The following ZBTB24 variants were observed in gnomAD, a reference collection of about 807,000 sequenced individuals.
ZBTB24 encodes zinc finger and BTB domain containing 24.
ZBTB24 carries 32 observed loss-of-function variants against 53.8 expected under a neutral mutation model. That is an observed-to-expected ratio of 0.60 (90% CI 0.45 to 0.80). The LOEUF (loss-of-function observed/expected upper bound fraction) is 0.80. ZBTB24 is among the 30% of genes least tolerant of loss of function. The pLI is 0.00. For synonymous variants in ZBTB24, 297 were observed against 306.7 expected (o/e 0.97, Z 0.33); for missense variants, 722 against 837.1 (o/e 0.86, Z 1.70).
At chr6:109,482,135 C>T in intron 1 of ZBTB24, 81 bp from the exon 2 acceptor site, 2 of 981,316 alleles carry the variant, frequency 2.0e-6, no homozygotes, top group Non-Finnish European at 3.2e-6. Flanking sequence ...TTCCTATTCA[C>T]TTCACATCAT....
chr6:109,476,680 G>GA, intron 3 of ZBTB24, 83 bp downstream of exon 3: 1 of 1,534,226 alleles, frequency 6.5e-7, no homozygotes, highest in Admixed American at 1.9e-5. Flanking sequence ...ACTAGGCTGA[G>GA]AAAACACCAT....
At position 109,467,496 on chromosome 6, in the gene ZBTB24, AAAAC is replaced by A. The variant is rs553805854; in HGVS notation, c.1370+153_1370+156del. 4,712 of 983,604 alleles carry A rather than the reference AAAAC, an allele frequency of 4.8e-3. 14 individuals carry two copies. Among genetic ancestry groups the A allele is most frequent in the Middle Eastern group, 0.011 (21 of 1,906 alleles). The allele number at this position is 983,604 out of a possible 1,614,324, so 60.9% of individuals were successfully genotyped here. On this transcript the variant is annotated intron_variant, in intron 6 of 6. Coordinates refer to ENST00000230122, the MANE Select transcript of ZBTB24 (RefSeq NM_014797.3). ...CTGGGCGACAGTGAGACCCTGTCTC[AAAAC>A]AAACAAACAAAACAAAGCCAAAGTA...
rs2115349640 is a variant in ZBTB24 at position 109,462,674 on chromosome 6, G to C, written c.*3177C>G. ...AACCAACTGTAGAAAATACAGAGTA[G>C]AGGTGAGTTTCAAGAAGCACTGGGC... On this transcript the variant is annotated 3_prime_UTR_variant, in exon 7 of 7. Coordinates refer to ENST00000230122, the MANE Select transcript of ZBTB24 (RefSeq NM_014797.3). The C allele has an allele frequency of 6.6e-6, 1 of 152,304 alleles. No individual in the cohort carries two copies. Among genetic ancestry groups the C allele is most frequent in the East Asian group, 1.9e-4 (1 of 5,190 alleles). The allele number at this position is 152,304 out of a possible 1,614,324, so 9.4% of individuals were successfully genotyped here.
At position 109,466,366 on chromosome 6, in the gene ZBTB24, T is replaced by G. The variant is rs1776041822; in HGVS notation, c.1579A>C (p.Ser527Arg). The G allele has an allele frequency of 6.2e-7, 1 of 1,614,124 alleles. No individual in the cohort carries two copies. Among genetic ancestry groups the G allele is most frequent in the African/African-American group, 1.3e-5 (1 of 74,948 alleles). The change falls in exon 7 of 7, where the codon AGT becomes CGT. Residue 527 changes from serine to arginine, a missense_variant. Coordinates refer to ENST00000230122, the MANE Select transcript of ZBTB24 (RefSeq NM_014797.3). ...HASDASSISG[S>R]SNTEEVRNIL... ...TTCCTGACCTCTTCTGTATTACTAC[T>G]GCCAGAAATGCTGCTGGCATCTGAA...
At position 109,481,382 on chromosome 6, in the gene ZBTB24, T is replaced by C. The variant is rs1374400614; in HGVS notation, c.645A>G (p.Glu215=). 1.9e-6 allele frequency: 3 copies of C among 1,614,104 alleles called. No homozygotes were observed. The highest frequency in any genetic ancestry group is 1.3e-5 in the African/African-American group (1 of 74,926). ...GVLNEQIAAK[E]KEESEPTCEP... The stretch of plus-strand genomic sequence containing the variant: ...CACAAGTAGGCTCCGATTCTTCCTT[T>C]TCTTTTGCTGCAATTTGCTCATTCA... The change falls in exon 2 of 7, where the codon GAA becomes GAG. Residue 215 remains glutamate, a synonymous_variant. Coordinates refer to ENST00000230122, the MANE Select transcript of ZBTB24 (RefSeq NM_014797.3).
At chr6:109,466,630 T>A in intron 6 of ZBTB24, 56 bp from the exon 7 acceptor site, 2 of 1,593,622 alleles carry the variant, frequency 1.3e-6, no homozygotes, top group East Asian at 2.2e-5. Flanking sequence ...TACTACTTCC[T>A]GATTATTTAG....
chr6:109,465,988 CTT>C lies in ZBTB24; in HGVS notation c.1955_1956del (p.Gln652ArgfsTer52). The C allele has an allele frequency of 2.5e-6, 4 of 1,614,214 alleles. No homozygotes were observed. The highest frequency in any genetic ancestry group is 2.5e-6 in the Non-Finnish European group (3 of 1,180,046). On this transcript the variant is annotated frameshift_variant, in exon 7 of 7. Transcript: ENST00000230122. LOFTEE classifies it low-confidence loss of function (END_TRUNC). Reference protein sequence around the residue: ...KETLEHLHAHQEQTEELHLAT... With the variant: ...KETLEHLHAHXEQTEELHLAT... ...GCTAAATGGAGCTCCTCTGTTTGCT[CTT>C]GATGGGCATGAAGATGTTCCAGTGT...
At position 109,463,606 on chromosome 6, in the gene ZBTB24, T is replaced by G. The variant is rs866758220; in HGVS notation, c.*2245A>C. ...AAACTTTTGTCTTAGCTACTTGATA[T>G]GAGAATCTGTTTTCAACTGTAAGTT... On this transcript the variant is annotated 3_prime_UTR_variant, in exon 7 of 7. Coordinates refer to ENST00000230122, the MANE Select transcript of ZBTB24 (RefSeq NM_014797.3). 6.6e-6 allele frequency: 1 copy of G among 152,188 alleles called. No homozygotes were observed. The highest frequency in any genetic ancestry group is 6.5e-5 in the Admixed American group (1 of 15,280). 9.4% of individuals were successfully genotyped at this position (152,188 alleles called of 1,614,324 possible). A position where few individuals can be genotyped will look rare whatever the true frequency, so the allele number is the denominator to read the frequency against.
rs781490833 is a variant in ZBTB24 at position 109,466,080 on chromosome 6, A to C, written c.1865T>G (p.Met622Arg). 6.2e-7 allele frequency: 1 copy of C among 1,614,210 alleles called. No homozygotes were observed. The highest frequency in any genetic ancestry group is 8.5e-7 in the Non-Finnish European group (1 of 1,180,038). ...TGAGGGCCCCATCTGGCTTTCAATC[A>C]TATTGAGGCTCTGAATGTGTTCTGT... ...EQTEHIQSLN[M>R]IESQMGPSQT... The change falls in exon 7 of 7, where the codon ATG becomes AGG. Residue 622 changes from methionine to arginine, a missense_variant. Met to Arg is a moderately conservative substitution (Grantham distance 91). Coordinates refer to ENST00000230122, the MANE Select transcript of ZBTB24 (RefSeq NM_014797.3).
intron 5 of ZBTB24, 47 bp from the exon 6 acceptor site, chr6:109,467,781 T>G (rs371953622): frequency 3.8e-6 from 6 of 1,590,878 alleles, no homozygotes; most frequent in Non-Finnish European, 5.1e-6. Context: ...CAAAAAAACA[T>G]TTAACAATAT....
chr6:109,480,313 G>C (rs920696905), intron 2 of ZBTB24, among the ~76,000 whole-genome samples: 1 of 152,220 alleles, frequency 6.6e-6, no homozygotes, highest in Non-Finnish European at 1.5e-5. Flanking sequence ...GGGCTCAAAG[G>C]AGGAAGGGAT....
At chr6:109,476,599 G>C (rs542499792) in intron 3 of ZBTB24, among the ~76,000 whole-genome samples, 164 bp downstream of exon 3, 5 of 152,230 alleles carry the variant, frequency 3.3e-5, no homozygotes, top group African/African-American at 1.2e-4. Context: ...TTAATGATCC[G>C]TGCAGAACTC....
chr6:109,482,444 C>T (rs1469687025), intron 1 of ZBTB24, among the ~76,000 whole-genome samples: 1 of 151,302 alleles, frequency 6.6e-6, no homozygotes, highest in African/African-American at 2.4e-5. Flanking sequence ...CCAGCCTGGG[C>T]GACAGAACGA....
At chr6:109,480,140 T>A (rs1030697736) in intron 2 of ZBTB24, among the ~76,000 whole-genome samples, 1 of 152,046 alleles carries the variant, frequency 6.6e-6, no homozygotes, top group African/African-American at 2.4e-5. Context: ...GCTCCCTAAG[T>A]GATTCCAATT....
At position 109,478,012 on chromosome 6, in the gene ZBTB24, A is replaced by C. The variant is rs1348247075; in HGVS notation, c.953-1082T>G. ...CATTAAAAGCCAGTGCCCTTAAACA[A>C]AGGCTGGAATGTAACAAAAGCCCAC... On this transcript the variant is annotated intron_variant, in intron 2 of 6. Coordinates refer to ENST00000230122, the MANE Select transcript of ZBTB24 (RefSeq NM_014797.3). Among the ~76,000 whole-genome samples, 4 of 152,198 alleles carry C rather than the reference A, an allele frequency of 2.6e-5. No homozygotes were observed. The East Asian group carries it at 7.7e-4, about 29-fold the overall frequency.
At position 109,481,156 on chromosome 6, in the gene ZBTB24, C is replaced by T. The variant is rs779905380; in HGVS notation, c.871G>A (p.Gly291Ser). ...RICGRRKRPG[G>S]PEARCKDCGK... Reference sequence around the variant, plus strand: ...CAGTCTTTACAGCGGGCCTCAGGGCCTCCAGGGCGCTTTCTCCTTCCACAG... The same window carrying T: ...CAGTCTTTACAGCGGGCCTCAGGGCTTCCAGGGCGCTTTCTCCTTCCACAG... The change falls in exon 2 of 7, where the codon GGC becomes AGC. Residue 291 changes from glycine (G) to serine (S), a missense_variant. By Grantham distance (56) the Gly-to-Ser change is moderately conservative. Transcript: ENST00000230122. 52 of 1,614,094 alleles carry T rather than the reference C, an allele frequency of 3.2e-5. No homozygotes were observed. Among genetic ancestry groups the T allele is most frequent in the Non-Finnish European group, 4.2e-5 (50 of 1,180,046 alleles).
chr6:109,478,638 T>C (rs1025325040), intron 2 of ZBTB24, among the ~76,000 whole-genome samples: 1 of 151,942 alleles, frequency 6.6e-6, no homozygotes, highest in Non-Finnish European at 1.5e-5. Context: ...GAGGCGGAGG[T>C]TGTGGTGATC....
intron 2 of ZBTB24, among the ~76,000 whole-genome samples, chr6:109,477,928 T>A (rs1370578503): frequency 6.6e-6 from 1 of 152,018 alleles, no homozygotes; most frequent in Admixed American, 6.6e-5. Flanking sequence ...CCACCTCCAG[T>A]GAGGTTATGA....
rs1159150633 is a variant in ZBTB24, at chr6:109,463,837, CTTTT to C, written c.*2010_*2013del. 2.0e-5 allele frequency: 3 copies of C among 152,132 alleles called. No homozygotes were observed. Among genetic ancestry groups the C allele is most frequent in the African/African-American group, 7.2e-5 (3 of 41,440 alleles). The allele number at this position is 152,132 out of a possible 1,614,324, so 9.4% of individuals were successfully genotyped here. On this transcript the variant is annotated 3_prime_UTR_variant, in exon 7 of 7. Transcript: ENST00000230122. The stretch of plus-strand genomic sequence containing the variant: ...CTTTTATTAACATTTTCACCTGCTT[CTTTT>C]TATGTTTTTAAAAGTTGCTACTAGA...
Sources: gnomAD v4.1 joint callset for allele counts (sites outside exome capture counted in the v4.1 genomes callset) on GRCh38, gnomAD v4.1.1 for gene constraint, MANE v1.5 for transcripts, NCBI Gene and HGNC (gene_info 2026-07-23, HGNC 2026-07-21) for gene names.